The following CPNE8 variants were observed in gnomAD, a reference collection of about 807,000 sequenced individuals.
CPNE8 encodes the protein copine 8, also known as copine-8.
A neutral mutation model predicts 81.5 loss-of-function variants in CPNE8; 45 were observed. The observed-to-expected ratio is 0.55, with a 90% CI of 0.44 to 0.71. CPNE8 has a LOEUF of 0.71. Among genes scored for constraint, CPNE8 ranks in the 30% least tolerant of loss-of-function variants. The pLI is 0.00. For synonymous variants in CPNE8, 252 were observed against 226.3 expected (o/e 1.11, Z -1.02); for missense variants, 594 against 672.1 (o/e 0.88, Z 1.28).
At chr12:38,685,375 T>G in intron 16 of CPNE8, 115 bp downstream of exon 16, 1 of 1,123,542 alleles carries the variant, frequency 8.9e-7, no homozygotes, top group East Asian at 2.5e-5. Context: ...CCCACTTTCT[T>G]GGAGGTAAAC....
intron 3 of CPNE8, among the ~76,000 whole-genome samples, chr12:38,872,465 C>A: frequency 6.6e-6 from 1 of 152,202 alleles, no homozygotes; most frequent in Non-Finnish European, 1.5e-5. Flanking sequence ...TGCCCTCCAC[C>A]TTCCAATGAT....
intron 3 of CPNE8, among the ~76,000 whole-genome samples, chr12:38,866,083 G>T (rs192802329): frequency 3.2e-4 from 48 of 152,308 alleles, no homozygotes; most frequent in Admixed American, 1.2e-3. Flanking sequence ...GATCAATACA[G>T]TATTTGTCTG....
At chr12:38,724,966 A>T (rs2136749931) in intron 11 of CPNE8, 67 bp from the exon 12 acceptor site, 1 of 1,339,328 alleles carries the variant, frequency 7.5e-7, no homozygotes, top group East Asian at 2.4e-5. Context: ...TTGAATTTTT[A>T]AAAATGTGAA....
intron 10 of CPNE8, among the ~76,000 whole-genome samples, chr12:38,749,767 A>G (rs897620504): frequency 1.3e-5 from 2 of 152,158 alleles, no homozygotes; most frequent in African/African-American, 4.8e-5. Context: ...GGGTGCTGTT[A>G]AAGGCATTCA....
rs12826291 is a variant in CPNE8, at chr12:38,782,102, T to C, written c.408-5801A>G. ...GTTGTCTTTCTAGTTGTGACAAATGTATTAAATACCATGGTAACACAAGAT... is the reference window on the plus strand; with the variant it reads ...GTTGTCTTTCTAGTTGTGACAAATGCATTAAATACCATGGTAACACAAGAT... On this transcript the variant is annotated intron_variant, in intron 6 of 19. Transcript: ENST00000331366. Among the ~76,000 whole-genome samples, 560 of 152,248 alleles carry C rather than the reference T, an allele frequency of 3.7e-3. 4 individuals carry two copies. The highest frequency in any genetic ancestry group is 7.3e-3 in the South Asian group (35 of 4,824).
At chr12:38,729,785 T>C (rs899724475) in intron 11 of CPNE8, among the ~76,000 whole-genome samples, 5 of 152,056 alleles carry the variant, frequency 3.3e-5, no homozygotes, top group African/African-American at 1.2e-4. Flanking sequence ...ACAGTGGTGT[T>C]AGGCAGAAAT....
chr12:38,774,246 A>G (rs1941871542), intron 7 of CPNE8, among the ~76,000 whole-genome samples: 1 of 152,146 alleles, frequency 6.6e-6, no homozygotes, highest in Non-Finnish European at 1.5e-5. Flanking sequence ...TACTGTATTC[A>G]TGACACATTT....
Position 38,717,960 on chromosome 12 carries a change from T to A in CPNE8, c.914+5812A>T, listed in dbSNP as rs182975511. On this transcript the variant is annotated intron_variant, in intron 13 of 19. Transcript: ENST00000331366. ...AGTGAGGAGTTACTGTGATTCATTA[T>A]AAAAACCAAATTAAATTCAGCAATT... 1.7e-3 allele frequency among the ~76,000 whole-genome samples: 261 copies of A among 152,092 alleles called. 1 individual carries two copies. Among genetic ancestry groups the A allele is most frequent in the African/African-American group, 6.0e-3 (249 of 41,484 alleles).
intron 3 of CPNE8, among the ~76,000 whole-genome samples, chr12:38,869,840 C>A (rs1053438487): frequency 6.6e-6 from 1 of 152,218 alleles, no homozygotes; most frequent in South Asian, 2.1e-4. Flanking sequence ...TTCCTTCTTA[C>A]CAATACTTTT....
In CPNE8 at chr12:38,693,802, T is replaced by A. The variant is rs746002102; in HGVS notation, c.998A>T (p.Asn333Ile). 8.1e-6 allele frequency: 13 copies of A among 1,612,290 alleles called. No individual in the cohort carries two copies. Among genetic ancestry groups the A allele is most frequent in the Non-Finnish European group, 8.5e-6 (10 of 1,179,284 alleles). ...ACCATAGGCATTCAGTTGGTAAGGA[T>A]TCATGTAGTGGAGGGAAGTGGGCTG... ...PAQPTSLHYM[N>I]PYQLNAYGMA... Residue 333 changes from asparagine to isoleucine, a missense_variant, in exon 15 of 20, where the codon AAT (asparagine) becomes ATT (isoleucine). By Grantham distance (149) the Asn-to-Ile change is moderately radical. Coordinates refer to ENST00000331366, the MANE Select transcript of CPNE8 (RefSeq NM_153634.3).
chr12:38,798,196 G>A (rs1490108542), intron 6 of CPNE8, among the ~76,000 whole-genome samples: 3 of 152,014 alleles, frequency 2.0e-5, no homozygotes, highest in African/African-American at 7.3e-5. Flanking sequence ...GAAATACAGA[G>A]AACGCCACAA....
At chr12:38,686,839 C>G (rs1240430629) in intron 15 of CPNE8, among the ~76,000 whole-genome samples, 2 of 152,146 alleles carry the variant, frequency 1.3e-5, no homozygotes, top group Non-Finnish European at 2.9e-5. Flanking sequence ...ATTGAGTGAT[C>G]CCAGAGAAAG....
chr12:38,795,978 C>G (rs1942459724), intron 6 of CPNE8, among the ~76,000 whole-genome samples: 3 of 152,044 alleles, frequency 2.0e-5, no homozygotes, highest in African/African-American at 7.2e-5. Flanking sequence ...ATCCTGAACT[C>G]AGGCCAGGAA....
rs576535581 is a variant in CPNE8 at position 38,798,856 on chromosome 12, C to T, written c.408-22555G>A. 5.5e-4 allele frequency among the ~76,000 whole-genome samples: 84 copies of T among 152,180 alleles called. 1 individual carries two copies. The South Asian group carries it at 0.01, about 18-fold the overall frequency. On this transcript the variant is annotated intron_variant, in intron 6 of 19. Transcript: ENST00000331366. ...TCAAAATAAAAGGATGGAGGAAGAT[C>T]TACCAAGCAAATGGAAAACAAAAAA...
At chr12:38,750,982 G>T (rs1185046657) in intron 10 of CPNE8, among the ~76,000 whole-genome samples, 2 of 152,174 alleles carry the variant, frequency 1.3e-5, no homozygotes, top group East Asian at 1.9e-4. Context: ...GAATCCTGGG[G>T]ACAGGTCTTT....
chr12:38,736,311 A>G (rs1273245610), intron 10 of CPNE8, among the ~76,000 whole-genome samples: 1 of 150,742 alleles, frequency 6.6e-6, no homozygotes, highest in African/African-American at 2.4e-5. Context: ...TGAATATTTT[A>G]TTAATTTTAT....
intron 1 of CPNE8, among the ~76,000 whole-genome samples, chr12:38,901,373 A>C (rs1342606605): frequency 6.6e-6 from 1 of 152,248 alleles, no homozygotes; most frequent in African/African-American, 2.4e-5. Context: ...AAAATGATGA[A>C]AATCAGTGAA....
At chr12:38,723,562 T>A (rs532119861) in intron 13 of CPNE8, among the ~76,000 whole-genome samples, 2 of 152,344 alleles carry the variant, frequency 1.3e-5, no homozygotes, top group East Asian at 3.9e-4. Flanking sequence ...TCATACAATA[T>A]TTTCTTTTGG....
chr12:38,801,738 T>C (rs1265069216), intron 6 of CPNE8, among the ~76,000 whole-genome samples: 1 of 78,146 alleles, frequency 1.3e-5, no homozygotes, highest in Non-Finnish European at 2.5e-5. Context: ...TCAAGACCCA[T>C]CAGTGTGCTG....
Sources: allele counts gnomAD v4.1 joint callset (sites outside exome capture counted in the v4.1 genomes callset), GRCh38; gene constraint gnomAD v4.1.1; transcripts MANE v1.5; gene names NCBI Gene and HGNC (gene_info 2026-07-23, HGNC 2026-07-21).